The following ZNF430 variants were observed in gnomAD, a reference collection of about 807,000 sequenced individuals.
ZNF430 encodes the protein zinc finger protein 430.
ZNF430 carries 35 observed loss-of-function variants against 56.7 expected under a neutral mutation model. The observed-to-expected ratio is 0.62, with a 90% CI of 0.47 to 0.82. The LOEUF is 0.82. Among genes scored for constraint, ZNF430 ranks in the 40% least tolerant of loss-of-function variants. The pLI is 0.00. For missense variants in ZNF430, 574 were observed against 661.0 expected, an observed-to-expected ratio of 0.87 and a Z score of 1.44; for synonymous variants, 212 against 224.3, an observed-to-expected ratio of 0.94 and a Z score of 0.49.
At chr19:21,050,989 C>T (rs1195591806) in intron 4 of ZNF430, among the ~76,000 whole-genome samples, 1 of 152,092 alleles carries the variant, frequency 6.6e-6, no homozygotes, top group Non-Finnish European at 1.5e-5. Context: ...GATCATGCCA[C>T]CTCACTCCAG....
intron 4 of ZNF430, among the ~76,000 whole-genome samples, chr19:21,042,159 C>T (rs888867992): frequency 3.3e-5 from 5 of 152,162 alleles, no homozygotes; most frequent in African/African-American, 1.2e-4. Context: ...TTTATGGTTG[C>T]ATAGTATTCC....
intron 2 of ZNF430, 64 bp from the exon 3 acceptor site, chr19:21,033,392 T>A (rs1967936595): frequency 6.5e-7 from 1 of 1,543,498 alleles, no homozygotes; most frequent in Non-Finnish European, 8.7e-7. Flanking sequence ...TTAATTCAAA[T>A]AATAAATTCT....
chr19:21,028,024 C>T (rs1199883202), intron 2 of ZNF430, among the ~76,000 whole-genome samples: 2 of 152,156 alleles, frequency 1.3e-5, no homozygotes, highest in Admixed American at 1.3e-4. Context: ...GATTGTACTC[C>T]ACTTGCTGTA....
chr19:21,057,741 T>A lies in ZNF430; in HGVS notation c.1433T>A (p.Ile478Asn), dbSNP rs1267469069. 5.0e-6 allele frequency: 8 copies of A among 1,605,376 alleles called. No individual in the cohort carries two copies. Among genetic ancestry groups the A allele is most frequent in the Non-Finnish European group, 6.0e-6 (7 of 1,175,880 alleles). Reference protein sequence around the residue: ...RSPKLTAHKVIHSGEKPYKCE... With the variant: ...RSPKLTAHKVNHSGEKPYKCE... ...CCAAAACTTACTGCACATAAGGTAATTCATTCTGGAGAGAAACCCTACAAA... is the reference window on the plus strand; with the variant it reads ...CCAAAACTTACTGCACATAAGGTAAATCATTCTGGAGAGAAACCCTACAAA... The change falls in exon 5 of 5, where the codon ATT (isoleucine) becomes AAT (asparagine). Residue 478 changes from isoleucine to asparagine, a missense_variant. This residue lies in a region of ZNF430 where 213 missense variants were observed against 221.0 expected (regional missense o/e 0.96). Coordinates refer to ENST00000261560, the MANE Select transcript of ZNF430 (RefSeq NM_025189.4).
rs1967935989 is a variant in ZNF430 at position 21,033,356 on chromosome 19, A to C, written c.97-100A>C. ...TCAGTCATTCCTGCAAATCAGAACC[A>C]ATTCTCTTTATTCTGTCATTTCACT... On this transcript the variant is annotated intron_variant, in intron 2 of 4. Transcript: ENST00000261560. 3.4e-6 allele frequency: 5 copies of C among 1,469,450 alleles called. No homozygotes were observed. In the East Asian group the frequency reaches 7.4e-5, roughly 22 times the overall value. 91.0% of individuals were successfully genotyped at this position (1,469,450 alleles called of 1,614,324 possible). A position where few individuals can be genotyped will look rare whatever the true frequency, so the allele number is the denominator to read the frequency against.
chr19:21,034,231 AAAG>A, intron 4 of ZNF430, 47 bp downstream of exon 4: 1 of 1,283,770 alleles, frequency 7.8e-7, no homozygotes, highest in Non-Finnish European at 1.1e-6. Flanking sequence ...GAGGTCCAAA[AAAG>A]AAGAAAGCCA....
At chr19:21,020,893 C>T (rs1047871395) in intron 1 of ZNF430, 90 bp downstream of exon 1, 49 of 1,554,004 alleles carry the variant, frequency 3.2e-5, no homozygotes, top group Non-Finnish European at 4.3e-5. Context: ...GGCCTCCCGG[C>T]AGTCAGCTGC....
intron 2 of ZNF430, among the ~76,000 whole-genome samples, chr19:21,027,674 CCTTT>C (rs1281163448): frequency 4.0e-5 from 6 of 151,716 alleles, no homozygotes; most frequent in South Asian, 2.1e-4. Flanking sequence ...GAAAAGGAGT[CCTTT>C]CTTTTCAATA....
chr19:21,034,070 T>C lies in ZNF430; in HGVS notation c.224-16T>C, dbSNP rs190249708. 3,579 of 1,597,584 alleles carry C rather than the reference T, an allele frequency of 2.2e-3. 6 individuals are homozygous for C. The highest frequency in any genetic ancestry group is 3.7e-3 in the Admixed American group (221 of 59,982). On this transcript the variant is annotated splice_polypyrimidine_tract_variant and intron_variant, in intron 3 of 4. Coordinates refer to ENST00000261560, the MANE Select transcript of ZNF430 (RefSeq NM_025189.4). ...AAGAATATGAGAAAGATTCATGTTA[T>C]TTATTTTCAATAAAGCAGGTATTGC...
chr19:21,039,877 C>T (rs1004533429), intron 4 of ZNF430, among the ~76,000 whole-genome samples: 58 of 151,832 alleles, frequency 3.8e-4, no homozygotes, highest in African/African-American at 1.3e-3. Context: ...GATCATACTC[C>T]GTCACCCAGG....
intron 2 of ZNF430, among the ~76,000 whole-genome samples, chr19:21,026,756 T>C (rs1193042865): frequency 6.6e-6 from 1 of 151,794 alleles, no homozygotes; most frequent in Non-Finnish European, 1.5e-5. Flanking sequence ...AGATATAGAA[T>C]CATGTCATCT....
intron 4 of ZNF430, chr19:21,053,358 C>T (rs144322989): frequency 6.6e-6 from 1 of 152,090 alleles, no homozygotes; most frequent in Non-Finnish European, 1.5e-5. Context: ...TGGACCATCA[C>T]ATATAGGTTA....
At chr19:21,046,079 T>C (rs1489329683) in intron 4 of ZNF430, among the ~76,000 whole-genome samples, 3 of 152,094 alleles carry the variant, frequency 2.0e-5, no homozygotes, top group African/African-American at 7.2e-5. Flanking sequence ...CCCAGCACTT[T>C]GGGAGGCTGA....
rs933267687 is a variant in ZNF430, at chr19:21,020,687, C to G, written c.-114C>G. ...TCGCTGTGGCCTGAGCTCCAGGTCT[C>G]GTCTTCAGCGCTCTGTGTCCTCTGC... On this transcript the variant is annotated 5_prime_UTR_variant, in exon 1 of 5. Coordinates refer to ENST00000261560, the MANE Select transcript of ZNF430 (RefSeq NM_025189.4). The G allele has an allele frequency of 1.9e-5, 28 of 1,484,660 alleles. No individual in the cohort carries two copies. Among genetic ancestry groups the G allele is most frequent in the Non-Finnish European group, 2.2e-5 (24 of 1,069,668 alleles). 92.0% of individuals were successfully genotyped at this position (1,484,660 alleles called of 1,614,324 possible). A position where few individuals can be genotyped will look rare whatever the true frequency, so the allele number is the denominator to read the frequency against.
At position 21,056,760 on chromosome 19, in the gene ZNF430, G is replaced by T. The variant is rs1968385953; in HGVS notation, c.452G>T (p.Ser151Ile). Residue 151 changes from serine (S) to isoleucine (I), a missense_variant, in exon 5 of 5, where the codon AGT becomes ATT. This residue lies in a region of ZNF430 where 346 missense variants were observed against 399.1 expected (regional missense o/e 0.87). Transcript: ENST00000261560. Reference sequence around the variant, plus strand: ...TTACAGTTAAGAACAGGCTGTAAAAGTGTGGATGAGTGTAATCTGCACAAA... The same window carrying T: ...TTACAGTTAAGAACAGGCTGTAAAATTGTGGATGAGTGTAATCTGCACAAA... ...EDLQLRTGCK[S>I]VDECNLHKEC... The T allele has an allele frequency of 6.2e-7, 1 of 1,613,728 alleles. No individual in the cohort carries two copies.
At chr19:21,024,791 A>G (rs1434714858) in intron 2 of ZNF430, among the ~76,000 whole-genome samples, 4 of 152,096 alleles carry the variant, frequency 2.6e-5, no homozygotes, top group South Asian at 2.1e-4. Context: ...AAAAAAAAAA[A>G]AAGAAGTTGG....
At chr19:21,021,074 C>G (rs1156525746) in intron 1 of ZNF430, among the ~76,000 whole-genome samples, 2 of 152,126 alleles carry the variant, frequency 1.3e-5, no homozygotes, top group Non-Finnish European at 2.9e-5. Flanking sequence ...CGCCGCGTCT[C>G]TCCCAGACTG....
intron 2 of ZNF430, among the ~76,000 whole-genome samples, chr19:21,031,117 C>T (rs1235587240): frequency 1.3e-5 from 2 of 152,170 alleles, no homozygotes; most frequent in South Asian, 4.1e-4. Context: ...CTCCTGACCT[C>T]AGGTCATCCA....
chr19:21,058,275 T>G lies in ZNF430; in HGVS notation c.*254T>G. 1 of 429,960 alleles carries G rather than the reference T, an allele frequency of 2.3e-6. No individual in the cohort carries two copies. Among genetic ancestry groups the G allele is most frequent in the Non-Finnish European group, 4.2e-6 (1 of 239,488 alleles). 26.6% of individuals were successfully genotyped at this position (429,960 alleles called of 1,614,324 possible). A position where few individuals can be genotyped will look rare whatever the true frequency, so the allele number is the denominator to read the frequency against. ...GCCTGACCAACATGGTGAAATCCTG[T>G]CTCTACTAAAAATACAAAATTAGCC... is the stretch of plus-strand genomic sequence containing the variant. On this transcript the variant is annotated 3_prime_UTR_variant, in exon 5 of 5. Coordinates refer to ENST00000261560, the MANE Select transcript of ZNF430 (RefSeq NM_025189.4).
Sources: gnomAD v4.1 joint callset for allele counts (sites outside exome capture counted in the v4.1 genomes callset) on GRCh38, gnomAD v4.1.1 for gene constraint, gnomAD v4.1.1 regional missense constraint, MANE v1.5 for transcripts, NCBI Gene and HGNC (gene_info 2026-07-23, HGNC 2026-07-21) for gene names.